The following MYLK3 variants were observed in gnomAD, a reference collection of about 807,000 sequenced individuals.
MYLK3 encodes MLC kinase.
MYLK3 carries 55 observed loss-of-function variants against 76.3 expected under a neutral mutation model. The observed-to-expected ratio is 0.72, with a 90% confidence interval of 0.58 to 0.90. The LOEUF (loss-of-function observed/expected upper bound fraction) is 0.90, where lower values mean the gene tolerates loss of function less well. Among genes scored for constraint, MYLK3 ranks in the 40% least tolerant of loss-of-function variants. MYLK3 has a pLI of 0.00. For synonymous variants in MYLK3, 416 were observed against 425.4 expected, an observed-to-expected ratio of 0.98 and a Z score of 0.27; for missense variants, 973 against 1,053.6, an observed-to-expected ratio of 0.92 and a Z score of 1.06.
chr16:46,749,284 G>A (rs1967085706), upstream of MYLK3, among the ~76,000 whole-genome samples: 2 of 152,226 alleles, frequency 1.3e-5, no homozygotes, highest in African/African-American at 4.8e-5. Flanking sequence ...AGCTCCCCGT[G>A]GGCAGAGGGC....
chr16:46,729,511 C>A, intron 6 of MYLK3, 83 bp downstream of exon 6: 1 of 1,256,112 alleles, frequency 8.0e-7, no homozygotes, highest in Non-Finnish European at 1.2e-6. Context: ...ATTTCCAGCT[C>A]AGCATGGGAG....
intron 1 of MYLK3, among the ~76,000 whole-genome samples, chr16:46,762,344 G>A (rs1272188745): frequency 1.3e-5 from 2 of 152,068 alleles, no homozygotes; most frequent in Admixed American, 6.6e-5. Context: ...AAAAAATTAA[G>A]TGTGTAGTTT....
intron 5 of MYLK3, among the ~76,000 whole-genome samples, chr16:46,730,376 G>T (rs1185372065): frequency 1.3e-5 from 2 of 152,086 alleles, no homozygotes; most frequent in Non-Finnish European, 2.9e-5. Flanking sequence ...CCTCCCCGAT[G>T]CCACGTGGGC....
In MYLK3 at chr16:46,748,230, G is replaced by C; in HGVS notation, c.-37C>G. ...CTTGACAAGGGCAAGAGCGGGGAATGAGGAGAGGCACAGACCCCTGGTTCT... is the reference window on the plus strand; with the variant it reads ...CTTGACAAGGGCAAGAGCGGGGAATCAGGAGAGGCACAGACCCCTGGTTCT... On this transcript the variant is annotated 5_prime_UTR_variant, in exon 1 of 13. Transcript: ENST00000394809. The surrounding 1 kb of genome is among the most constrained non-coding windows in gnomAD (Gnocchi z 4.3). 6.3e-7 allele frequency: 1 copy of C among 1,585,238 alleles called. No individual in the cohort carries two copies. The highest frequency in any genetic ancestry group is 1.2e-5 in the South Asian group (1 of 86,602).
intron 8 of MYLK3, 37 bp downstream of exon 8, chr16:46,727,199 C>T: frequency 6.2e-7 from 1 of 1,602,918 alleles, no homozygotes; most frequent in Non-Finnish European, 8.5e-7. Context: ...AGCTAGGACA[C>T]CAGGGGCCCC....
At position 46,732,286 on chromosome 16, in the gene MYLK3, A is replaced by C. The variant is rs903955717; in HGVS notation, c.1384T>G (p.Cys462Gly). The C allele has an allele frequency of 1.9e-6, 3 of 1,608,776 alleles. No individual in the cohort carries two copies. The highest frequency in any genetic ancestry group is 2.5e-6 in the Non-Finnish European group (3 of 1,179,954). The change falls in exon 4 of 13, where the codon TGT becomes GGT. Residue 462 changes from cysteine to glycine, a missense_variant. Coordinates refer to ENST00000394809, the MANE Select transcript of MYLK3 (RefSeq NM_182493.3). ...GAGNPEPEQD[C>G]AARAPVRAEA... is the part of the protein sequence containing the mutation. ...GCTCTCACCGGAGCCCTGGCTGCAC[A>C]GTCCTGCTCAGGCTCAGGGTTTCCC...
chr16:46,738,130 C>A lies in MYLK3; in HGVS notation c.582G>T (p.Ala194=). 1 of 1,538,378 alleles carries A rather than the reference C, an allele frequency of 6.5e-7. No individual in the cohort carries two copies. ...TCTCCGCTGTCCCCTCCAGCACGTC[C>A]GCCTTCTGGCTCTCTACAGGAAAAC... is the stretch of plus-strand genomic sequence containing the variant. The part of the protein sequence containing the change: ...AREPGEESQK[A]DVLEGTAERL... Residue 194 remains alanine, a synonymous_variant, in exon 3 of 13, where the codon GCG becomes GCT. Coordinates refer to ENST00000394809, the MANE Select transcript of MYLK3 (RefSeq NM_182493.3).
chr16:46,722,838 T>A (rs1966813048), intron 8 of MYLK3, among the ~76,000 whole-genome samples: 1 of 152,028 alleles, frequency 6.6e-6, no homozygotes, highest in Non-Finnish European at 1.5e-5. Context: ...GCCTCCCGAG[T>A]AGCTGGGATT....
intron 1 of MYLK3, 61 bp downstream of exon 1, chr16:46,747,656 G>T: frequency 1.3e-6 from 2 of 1,510,638 alleles, no homozygotes; most frequent in Non-Finnish European, 1.8e-6. Context: ...TGGCTGCCTG[G>T]CCAGTCTCCC....
At chr16:46,731,840 C>A (rs1208270117) in intron 4 of MYLK3, among the ~76,000 whole-genome samples, 1 of 152,134 alleles carries the variant, frequency 6.6e-6, no homozygotes, top group Non-Finnish European at 1.5e-5. Context: ...CCTGCAATCC[C>A]AAAGCTCTGG....
chr16:46,745,961 G>A (rs1967014155), intron 1 of MYLK3, among the ~76,000 whole-genome samples: 1 of 152,078 alleles, frequency 6.6e-6, no homozygotes, highest in African/African-American at 2.4e-5. Flanking sequence ...GAATAGGAAG[G>A]AGATGTATGC....
At chr16:46,750,781 G>A (rs750244866), upstream of MYLK3, among the ~76,000 whole-genome samples, 1 of 151,816 alleles carries the variant, frequency 6.6e-6, no homozygotes, top group Admixed American at 6.6e-5. Context: ...CCTGAGGTCA[G>A]GATTTCGAGA....
At position 46,737,878 on chromosome 16, in the gene MYLK3, C is replaced by G; in HGVS notation, c.834G>C (p.Leu278=). Residue 278 remains leucine, a synonymous_variant, in exon 3 of 13, where the codon CTG becomes CTC. Transcript: ENST00000394809. The part of the protein sequence containing the change: ...PGRVNVVSPS[L]EVAPGAGQGA... ...CTTGTCCTGCACCTGGTGCAACCTC[C>G]AGGCTCGGGGAGACCACATTGACCC... 6.2e-7 allele frequency: 1 copy of G among 1,614,180 alleles called. No homozygotes were observed. Among genetic ancestry groups the G allele is most frequent in the Non-Finnish European group, 8.5e-7 (1 of 1,180,028 alleles).
intron 9 of MYLK3, 47 bp from the exon 10 acceptor site, chr16:46,712,823 A>T (rs1289697747): frequency 2.7e-6 from 4 of 1,493,466 alleles, no homozygotes; most frequent in Non-Finnish European, 2.7e-6. Flanking sequence ...GAGGCCTGGG[A>T]GATGTGGTGC....
At chr16:46,758,304 A>ACTCTCT (rs3044832) in intron 1 of MYLK3, among the ~76,000 whole-genome samples, 2 of 87,266 alleles carry the variant, frequency 2.3e-5, no homozygotes, top group African/African-American at 9.4e-5. Flanking sequence ...ACACACACAC[A>ACTCTCT]CTCTCTCTCT....
chr16:46,761,615 G>A (rs561078232), intron 1 of MYLK3, among the ~76,000 whole-genome samples: 52 of 152,162 alleles, frequency 3.4e-4, no homozygotes, highest in Admixed American at 1.4e-3. Context: ...TCAGGAGTTC[G>A]AGACCAGCCT....
chr16:46,705,067 C>T lies in MYLK3; in HGVS notation c.*2637G>A, dbSNP rs964972637. 6.6e-6 allele frequency: 1 copy of T among 152,196 alleles called. No individual in the cohort carries two copies. Among genetic ancestry groups the T allele is most frequent in the Non-Finnish European group, 1.5e-5 (1 of 68,036 alleles). 9.4% of individuals were successfully genotyped at this position (152,196 alleles called of 1,614,324 possible). On this transcript the variant is annotated 3_prime_UTR_variant, in exon 13 of 13. Coordinates refer to ENST00000394809, the MANE Select transcript of MYLK3 (RefSeq NM_182493.3). ...CTGTTAGTTCCCAACAAGGGTTAGC[C>T]TTCCAGAGGAAACTTAACAACTTGA...
At position 46,732,657 on chromosome 16, in the gene MYLK3, T is replaced by C. The variant is rs764532743; in HGVS notation, c.1013A>G (p.His338Arg). Residue 338 changes from histidine to arginine, a missense_variant, in exon 4 of 13, where the codon CAC becomes CGC. His to Arg is a conservative substitution (Grantham distance 29). Around this residue, in one of 2 missense-constraint regions of MYLK3, gnomAD observed 641 missense variants for 637.0 expected, o/e 1.01. Coordinates refer to ENST00000394809, the MANE Select transcript of MYLK3 (RefSeq NM_182493.3). The part of the protein sequence containing the change: ...GGETPPRISI[H>R]IQEMDTPGEM... ...CCCAGGAGTATCCATCTCTTGTATG[T>C]GGATGGAGATCCTGGGGTGGAGAGA... 6.6e-7 allele frequency: 1 copy of C among 1,517,256 alleles called. No homozygotes were observed. The highest frequency in any genetic ancestry group is 8.8e-7 in the Non-Finnish European group (1 of 1,139,516). The allele number at this position is 1,517,256 out of a possible 1,614,324, so 94.0% of individuals were successfully genotyped here. A position where few individuals can be genotyped will look rare whatever the true frequency, so the allele number is the denominator to read the frequency against.
At chr16:46,712,816 GC>G (rs761581167) in intron 9 of MYLK3, 40 bp from the exon 10 acceptor site, 16 of 1,509,990 alleles carry the variant, frequency 1.1e-5, no homozygotes, top group Non-Finnish European at 1.4e-5. Flanking sequence ...ATGGGGTGAG[GC>G]CTGGGAGATG....
Sources: allele counts gnomAD v4.1 joint callset (sites outside exome capture counted in the v4.1 genomes callset), GRCh38; gene constraint gnomAD v4.1.1; regional missense constraint gnomAD v4.1.1; non-coding constraint Gnocchi (gnomAD v3.1); transcripts MANE v1.5; gene names NCBI Gene and HGNC (gene_info 2026-07-23, HGNC 2026-07-21).